Variants in VRK2 observed in about 807,000 individuals in gnomAD.
VRK2 encodes the protein serine/threonine-protein kinase VRK2.
VRK2 carries 60 observed loss-of-function variants against 57.6 expected under a neutral mutation model. The observed-to-expected ratio is 1.04, with a 90% CI of 0.85 to 1.29. The LOEUF (loss-of-function observed/expected upper bound fraction) is 1.29, where lower values mean the gene tolerates loss of function less well. Among genes scored for constraint, VRK2 ranks in the 50% most tolerant of loss-of-function variants. The pLI, the probability that VRK2 is intolerant of heterozygous loss-of-function variation, is 0.00. For synonymous variants in VRK2, 231 were observed against 199.2 expected, an observed-to-expected ratio of 1.16 and a Z score of -1.35; for missense variants, 705 against 588.1, an observed-to-expected ratio of 1.20 and a Z score of -2.06.
intron 1 of VRK2, among the ~76,000 whole-genome samples, chr2:57,952,840 A>G (rs1374127516): frequency 2.0e-5 from 3 of 151,830 alleles, no homozygotes; most frequent in African/African-American, 7.3e-5. Context: ...GGCCATCTCC[A>G]CTGAAACCTA....
intron 1 of VRK2, among the ~76,000 whole-genome samples, chr2:57,952,362 T>A (rs1461605318): frequency 6.6e-6 from 1 of 151,962 alleles, no homozygotes; most frequent in Non-Finnish European, 1.5e-5. Context: ...AAAAGTAAAA[T>A]CTTCCATATT....
chr2:58,042,663 C>T (rs185450371), upstream of VRK2, among the ~76,000 whole-genome samples: 74 of 152,186 alleles, frequency 4.9e-4, no homozygotes, highest in African/African-American at 1.7e-3. Flanking sequence ...TTTTATAGCA[C>T]CCAGTTCTTT....
At chr2:58,046,779 G>C, upstream of VRK2, 3 of 985,520 alleles carry the variant, frequency 3.0e-6, no homozygotes, top group Non-Finnish European at 3.6e-6. Flanking sequence ...CCGCCTCCCC[G>C]CGGGACTGTA....
At chr2:57,977,583 T>C (rs74480281) in intron 1 of VRK2, among the ~76,000 whole-genome samples, 7,397 of 151,740 alleles carry the variant, frequency 0.049, 299 homozygotes, top group Middle Eastern at 0.075. Flanking sequence ...TCCTGAAATT[T>C]TACTGAAGTT....
intron 10 of VRK2, among the ~76,000 whole-genome samples, chr2:58,138,213 ATAG>A (rs1333536535): frequency 1.3e-5 from 2 of 152,228 alleles, no homozygotes; most frequent in East Asian, 3.8e-4. Context: ...TTATATTAAA[ATAG>A]TAGTGAATGT....
At chr2:58,149,452 G>C (rs144019022) in intron 12 of VRK2, among the ~76,000 whole-genome samples, 1 of 151,506 alleles carries the variant, frequency 6.6e-6, no homozygotes, top group East Asian at 1.9e-4. Flanking sequence ...AGATTCTTAG[G>C]ACTTTCTACA....
intron 1 of VRK2, among the ~76,000 whole-genome samples, chr2:57,937,827 C>CTTT (rs778615422): frequency 1.3e-3 from 115 of 89,838 alleles, no homozygotes; most frequent in Non-Finnish European, 1.6e-3. Flanking sequence ...GTTTATCTTT[C>CTTT]TTTTTTTTTT....
chr2:58,060,026 T>C (rs188973990), intron 2 of VRK2, among the ~76,000 whole-genome samples: 9 of 152,008 alleles, frequency 5.9e-5, no homozygotes, highest in African/African-American at 2.2e-4. Context: ...ATCTCCAATG[T>C]CAAATGTATT....
intron 1 of VRK2, among the ~76,000 whole-genome samples, chr2:58,001,697 C>CT (rs1209380154): frequency 6.6e-6 from 1 of 152,098 alleles, no homozygotes; most frequent in African/African-American, 2.4e-5. Context: ...TGTCGCGCAC[C>CT]TATAAGCCCA....
intron 1 of VRK2, among the ~76,000 whole-genome samples, chr2:57,980,828 T>G (rs1672400692): frequency 2.0e-5 from 3 of 152,070 alleles, no homozygotes; most frequent in Admixed American, 2.0e-4. Flanking sequence ...TCAAGTCTGT[T>G]TTGCCTAAAA....
chr2:57,921,312 T>TCA (rs1303428446), intron 1 of VRK2, among the ~76,000 whole-genome samples: 4 of 136,858 alleles, frequency 2.9e-5, no homozygotes, highest in South Asian at 2.2e-4. Flanking sequence ...ACACACACAC[T>TCA]CACACACACA....
At chr2:58,096,699 T>A in intron 7 of VRK2, among the ~76,000 whole-genome samples, 1 of 151,846 alleles carries the variant, frequency 6.6e-6, no homozygotes, top group Non-Finnish European at 1.5e-5. Context: ...TTTTTTCTTT[T>A]TTCTTATTAT....
intron 1 of VRK2, among the ~76,000 whole-genome samples, chr2:57,944,660 C>T (rs1328596329): frequency 2.0e-5 from 3 of 151,550 alleles, no homozygotes; most frequent in Non-Finnish European, 4.4e-5. Context: ...GGCGTGAACC[C>T]GGGAGGCGGA....
chr2:57,953,036 T>C (rs558897292), intron 1 of VRK2, among the ~76,000 whole-genome samples: 4 of 152,226 alleles, frequency 2.6e-5, no homozygotes, highest in Admixed American at 6.5e-5. Context: ...GATAACTTTA[T>C]GCAAATTATA....
intron 11 of VRK2, among the ~76,000 whole-genome samples, chr2:58,143,482 G>A (rs1681642613): frequency 6.6e-6 from 1 of 151,832 alleles, no homozygotes; most frequent in Admixed American, 6.6e-5. Flanking sequence ...CTATCATTTT[G>A]TTTAGTAGCT....
chr2:58,065,817 T>TATACTAGTCCCA (rs1479828316), intron 2 of VRK2, among the ~76,000 whole-genome samples: 2 of 152,174 alleles, frequency 1.3e-5, no homozygotes, highest in Non-Finnish European at 2.9e-5. Flanking sequence ...ACTAGTCCTA[T>TATACTAGTCCCA]ACATGTATTG....
chr2:57,922,233 T>TA (rs1178877131), intron 1 of VRK2, among the ~76,000 whole-genome samples: 4 of 151,906 alleles, frequency 2.6e-5, no homozygotes, highest in Non-Finnish European at 5.9e-5. Context: ...TGAAAGAAAT[T>TA]AAAAAAACAG....
At position 58,046,817 on chromosome 2, in the gene VRK2, G is replaced by A. The variant is rs1674811810; in HGVS notation, c.-57G>A. 2 of 985,532 alleles carry A rather than the reference G, an allele frequency of 2.0e-6. No individual in the cohort carries two copies. Among genetic ancestry groups the A allele is most frequent in the Admixed American group, 6.1e-5 (1 of 16,276 alleles). 61.0% of individuals were successfully genotyped at this position (985,532 alleles called of 1,614,324 possible). A position where few individuals can be genotyped will look rare whatever the true frequency, so the allele number is the denominator to read the frequency against. ...CCCGGGGGCTCCGCCTCGTCGCAGC[G>A]GCAGGTAGGAGGCGGTGCGCGCGGC... On this transcript the variant is annotated 5_prime_UTR_variant, in exon 1 of 13. Coordinates refer to ENST00000340157, the MANE Select transcript of VRK2 (RefSeq NM_006296.7).
At chr2:58,028,182 G>A (rs1040819686) in intron 2 of VRK2, 3 of 152,174 alleles carry the variant, frequency 2.0e-5, no homozygotes, top group Non-Finnish European at 4.4e-5. Flanking sequence ...CTTGGGACTT[G>A]TATTGATCCT....
Sources: allele counts gnomAD v4.1 joint callset (sites outside exome capture counted in the v4.1 genomes callset), GRCh38; gene constraint gnomAD v4.1.1; transcripts MANE v1.5; gene names NCBI Gene and HGNC (gene_info 2026-07-23, HGNC 2026-07-21).